ACSS3: variants seen among roughly 807,000 people sequenced by gnomAD.
The protein encoded by ACSS3 is acyl-CoA synthetase short-chain family member 3, mitochondrial.
Under a neutral mutation model 84.2 loss-of-function variants are expected in ACSS3, and 64 were observed. That is an observed-to-expected ratio of 0.76 (90% CI 0.62 to 0.94). The LOEUF (loss-of-function observed/expected upper bound fraction) is 0.94, where lower values mean the gene tolerates loss of function less well. Among genes scored for constraint, ACSS3 ranks in the 40% least tolerant of loss-of-function variants. ACSS3 has a pLI of 0.00. For missense variants in ACSS3, 815 were observed against 867.6 expected (o/e 0.94, Z 0.76); for synonymous variants, 317 against 310.1 (o/e 1.02, Z -0.23).
At chr12:81,218,071 T>G (rs867331215) in intron 10 of ACSS3, among the ~76,000 whole-genome samples, 47 of 152,298 alleles carry the variant, frequency 3.1e-4, no homozygotes, top group African/African-American at 1.0e-3. Context: ...TTTCCTTATT[T>G]CTAAATAAGA....
intron 15 of ACSS3, among the ~76,000 whole-genome samples, chr12:81,254,570 A>C (rs2034249210): frequency 1.3e-5 from 2 of 152,160 alleles, no homozygotes; most frequent in African/African-American, 4.8e-5. Flanking sequence ...ACAAAAAAGA[A>C]ACATTCTTTC....
At position 81,261,113 on chromosome 12, in the gene ACSS3, C is replaced by T. The variant is rs2035343210; in HGVS notation, c.*6191C>T. The T allele has an allele frequency of 1.3e-5, 2 of 151,964 alleles. No homozygotes were observed. The highest frequency in any genetic ancestry group is 2.1e-4 in the South Asian group (1 of 4,824). 9.4% of individuals were successfully genotyped at this position (151,964 alleles called of 1,614,324 possible). ...TTCTTAAAGTAATTTTATTTTGTTCCTATATGTCTTAAATACTTAAAATTT... is the reference window on the plus strand; with the variant it reads ...TTCTTAAAGTAATTTTATTTTGTTCTTATATGTCTTAAATACTTAAAATTT... On this transcript the variant is annotated 3_prime_UTR_variant, in exon 16 of 16. Transcript: ENST00000548058.
intron 8 of ACSS3, among the ~76,000 whole-genome samples, chr12:81,181,380 T>G (rs1292393854): frequency 1.3e-5 from 2 of 152,144 alleles, no homozygotes; most frequent in Non-Finnish European, 2.9e-5. Flanking sequence ...CAGCCTGTCG[T>G]CAGGTGAAAG....
chr12:81,123,633 T>C (rs927020079), intron 2 of ACSS3, among the ~76,000 whole-genome samples: 3 of 152,068 alleles, frequency 2.0e-5, no homozygotes, highest in Non-Finnish European at 4.4e-5. Flanking sequence ...CTCTCTATAG[T>C]CCCCAGTGCC....
At chr12:81,164,113 C>T (rs1190400042) in intron 7 of ACSS3, among the ~76,000 whole-genome samples, 1 of 152,164 alleles carries the variant, frequency 6.6e-6, no homozygotes, top group African/African-American at 2.4e-5. Context: ...TCTATAAGCT[C>T]CATTTCTAGT....
intron 7 of ACSS3, among the ~76,000 whole-genome samples, chr12:81,172,505 G>A (rs577452293): frequency 6.0e-5 from 9 of 150,890 alleles, no homozygotes; most frequent in East Asian, 2.0e-4. Context: ...TCTTTCTGGC[G>A]TGCACCTGTA....
At chr12:81,127,280 C>A (rs1273500407) in intron 2 of ACSS3, among the ~76,000 whole-genome samples, 1 of 151,724 alleles carries the variant, frequency 6.6e-6, no homozygotes, top group Admixed American at 6.6e-5. Flanking sequence ...ATTTATATTC[C>A]TGAAAAATTC....
chr12:81,109,764 A>G, intron 2 of ACSS3, 60 bp downstream of exon 2: 1 of 1,326,898 alleles, frequency 7.5e-7, no homozygotes, highest in Non-Finnish European at 1.0e-6. Flanking sequence ...CTTAAATAGC[A>G]TACATTCTCA....
chr12:81,235,956 T>G (rs1380626515), intron 13 of ACSS3, among the ~76,000 whole-genome samples: 1 of 151,386 alleles, frequency 6.6e-6, no homozygotes, highest in Non-Finnish European at 1.5e-5. Flanking sequence ...TCTGAATGCT[T>G]TTTTTGGTCT....
intron 1 of ACSS3, among the ~76,000 whole-genome samples, chr12:81,087,716 A>G (rs1881412110): frequency 1.3e-5 from 2 of 152,062 alleles, no homozygotes; most frequent in Admixed American, 1.3e-4. Flanking sequence ...GTATTTTTCT[A>G]TAATAAACCA....
At chr12:81,221,695 A>G (rs2033115199) in intron 11 of ACSS3, among the ~76,000 whole-genome samples, 1 of 152,104 alleles carries the variant, frequency 6.6e-6, no homozygotes, top group African/African-American at 2.4e-5. Context: ...CTGTGTTAAC[A>G]TAGAGCTGGT....
intron 8 of ACSS3, among the ~76,000 whole-genome samples, chr12:81,191,458 A>G (rs913181636): frequency 2.6e-5 from 4 of 152,108 alleles, no homozygotes; most frequent in South Asian, 2.1e-4. Context: ...TAAAATGGGC[A>G]TGGAAGTCTT....
rs751107099 is a variant in ACSS3 at position 81,242,773 on chromosome 12, A to G, written c.1719+9302A>G. Among the ~76,000 whole-genome samples, 701 of 146,050 alleles carry G rather than the reference A, an allele frequency of 4.8e-3. 4 individuals are homozygous for G. The highest frequency in any genetic ancestry group is 8.8e-3 in the Non-Finnish European group (576 of 65,398). On this transcript the variant is annotated intron_variant, in intron 13 of 15. Coordinates refer to ENST00000548058, the MANE Select transcript of ACSS3 (RefSeq NM_024560.4). ...AGACAAAAACCACATGATTATCTCA[A>G]TAGATGCAGAAAAGGCCTTCAACAA... is the stretch of plus-strand genomic sequence containing the variant.
At chr12:81,203,290 C>T (rs539109841) in intron 9 of ACSS3, among the ~76,000 whole-genome samples, 40 of 152,262 alleles carry the variant, frequency 2.6e-4, no homozygotes, top group Admixed American at 2.2e-3. Flanking sequence ...GGTGCCCACT[C>T]GCACTGAGGA....
intron 13 of ACSS3, among the ~76,000 whole-genome samples, chr12:81,247,878 T>C (rs180886158): frequency 2.2e-4 from 34 of 152,230 alleles, no homozygotes; most frequent in Non-Finnish European, 7.4e-5. Context: ...CACTTTAACT[T>C]TTTGGAATAG....
At chr12:81,199,769 C>A in intron 9 of ACSS3, 1 of 1,002,536 alleles carries the variant, frequency 1.0e-6, no homozygotes, top group Non-Finnish European at 1.4e-6. Context: ...ATTCCACCTT[C>A]AGTATTCCCC....
In ACSS3 at chr12:81,199,332, C is replaced by G; in HGVS notation, c.1251-9C>G. The G allele has an allele frequency of 6.2e-7, 1 of 1,602,978 alleles. No homozygotes were observed. The highest frequency in any genetic ancestry group is 8.5e-7 in the Non-Finnish European group (1 of 1,174,608). On this transcript the variant is annotated splice_polypyrimidine_tract_variant and intron_variant, in intron 8 of 15. Transcript: ENST00000548058. ...CAGGAATAATTTGAATTCACTGTCT[C>G]ATATTCAGGTTCAAAACATTATTTG...
intron 1 of ACSS3, among the ~76,000 whole-genome samples, chr12:81,086,724 C>G (rs1881338912): frequency 6.6e-6 from 1 of 152,084 alleles, no homozygotes; most frequent in South Asian, 2.1e-4. Flanking sequence ...TGTTCTTCTT[C>G]TTCTTTTTAT....
chr12:81,171,661 C>T (rs983365589), intron 7 of ACSS3, among the ~76,000 whole-genome samples: 1 of 152,078 alleles, frequency 6.6e-6, no homozygotes, highest in Non-Finnish European at 1.5e-5. Flanking sequence ...TAGTTTGGTA[C>T]AGAGTCAGAC....
Sources: gnomAD v4.1 joint callset for allele counts (sites outside exome capture counted in the v4.1 genomes callset) on GRCh38, gnomAD v4.1.1 for gene constraint, MANE v1.5 for transcripts, NCBI Gene and HGNC (gene_info 2026-07-23, HGNC 2026-07-21) for gene names.